Variants in SSX2IP observed in about 807,000 individuals in gnomAD.
The protein encoded by SSX2IP is SSX family member 2 interacting protein.
In SSX2IP, 55 loss-of-function variants were observed where a neutral mutation model predicts 84.9. The observed-to-expected ratio is 0.65, with a 90% CI of 0.52 to 0.81. SSX2IP has a LOEUF of 0.81. Ranked by LOEUF, SSX2IP falls within the 30% of genes least tolerant of loss-of-function variation. The pLI, the probability that SSX2IP is intolerant of heterozygous loss-of-function variation, is 0.00. For synonymous variants in SSX2IP, 239 were observed against 234.7 expected (o/e 1.02, Z -0.17); for missense variants, 664 against 705.2 (o/e 0.94, Z 0.66).
At chr1:84,650,229 G>T in intron 13 of SSX2IP, 133 bp downstream of exon 13, 3 of 845,740 alleles carry the variant, frequency 3.5e-6, no homozygotes, top group South Asian at 3.1e-5. Flanking sequence ...TTTGTAGAAT[G>T]AATAAATCAT....
In SSX2IP at chr1:84,647,369, C is replaced by T. The variant is rs1008519689; in HGVS notation, c.*64G>A. The T allele has an allele frequency of 2.6e-5, 36 of 1,405,314 alleles. No individual in the cohort carries two copies. The highest frequency in any genetic ancestry group is 3.4e-5 in the Non-Finnish European group (36 of 1,047,394). The allele number at this position is 1,405,314 out of a possible 1,614,324, so 87.1% of individuals were successfully genotyped here. A position where few individuals can be genotyped will look rare whatever the true frequency, so the allele number is the denominator to read the frequency against. ...AGAGATAACTGACTTTATGACACAC[C>T]CTGTTTCAACTTAGATGTGAAACTT... On this transcript the variant is annotated 3_prime_UTR_variant, in exon 14 of 14. Coordinates refer to ENST00000342203, the MANE Select transcript of SSX2IP (RefSeq NM_001166293.2).
intron 13 of SSX2IP, among the ~76,000 whole-genome samples, chr1:84,648,177 C>T (rs1163035266): frequency 5.9e-5 from 9 of 151,846 alleles, no homozygotes; most frequent in South Asian, 2.1e-4. Flanking sequence ...TAATATAAAC[C>T]GAGATCCAAA....
At chr1:84,683,431 T>C (rs972074655) in intron 1 of SSX2IP, among the ~76,000 whole-genome samples, 2 of 152,128 alleles carry the variant, frequency 1.3e-5, no homozygotes, top group South Asian at 2.1e-4. Context: ...TTCAAAAAAA[T>C]TTTGAAAAAC....
chr1:84,664,558 A>AAC lies in SSX2IP; in HGVS notation c.538-7_538-6insGT. 6.4e-7 allele frequency: 1 copy of AAC among 1,569,618 alleles called. No individual in the cohort carries two copies. Among genetic ancestry groups the AAC allele is most frequent in the Non-Finnish European group, 8.6e-7 (1 of 1,164,484 alleles). On this transcript the variant is annotated splice_polypyrimidine_tract_variant and splice_region_variant and intron_variant, in intron 5 of 13. Transcript: ENST00000342203. ...ATATTTTGTAATTTTTGCACCTGAA[A>AAC]AAGGCATTTGCTATTATAAGCCCAG...
chr1:84,661,698 G>A (rs1652006372), intron 8 of SSX2IP, among the ~76,000 whole-genome samples: 1 of 152,178 alleles, frequency 6.6e-6, no homozygotes, highest in African/African-American at 2.4e-5. Flanking sequence ...GTTTCACTCT[G>A]TGAAAAGTAG....
At position 84,645,258 on chromosome 1, in the gene SSX2IP, C is replaced by T. The variant is rs748412841; in HGVS notation, c.*2175G>A. The T allele has an allele frequency of 1.3e-5, 2 of 152,110 alleles. No homozygotes were observed. Among genetic ancestry groups the T allele is most frequent in the Non-Finnish European group, 2.9e-5 (2 of 68,016 alleles). The allele number at this position is 152,110 out of a possible 1,614,324, so 9.4% of individuals were successfully genotyped here. On this transcript the variant is annotated 3_prime_UTR_variant, in exon 14 of 14. Coordinates refer to ENST00000342203, the MANE Select transcript of SSX2IP (RefSeq NM_001166293.2). Reference sequence around the variant, plus strand: ...TTTGTGTGTGGAGTCCTGGGTTTTCCAACAGACATCATTCCAGCATTCTGA... The same window carrying T: ...TTTGTGTGTGGAGTCCTGGGTTTTCTAACAGACATCATTCCAGCATTCTGA...
At chr1:84,659,923 C>A (rs1277705528) in intron 8 of SSX2IP, among the ~76,000 whole-genome samples, 2 of 151,988 alleles carry the variant, frequency 1.3e-5, no homozygotes, top group African/African-American at 2.4e-5. Flanking sequence ...GTAATCCCAA[C>A]ACTTTGTGAG....
At chr1:84,662,627 T>C in intron 6 of SSX2IP, 97 bp from the exon 7 acceptor site, 1 of 1,284,272 alleles carries the variant, frequency 7.8e-7, no homozygotes, top group South Asian at 1.4e-5. Context: ...AAAGTGAACC[T>C]GGTATATAGG....
At chr1:84,651,706 C>T (rs533248187) in intron 12 of SSX2IP, among the ~76,000 whole-genome samples, 177 bp downstream of exon 12, 72 of 151,634 alleles carry the variant, frequency 4.7e-4, no homozygotes, top group Middle Eastern at 3.4e-3. Context: ...CCAACCTGGG[C>T]GACAGAGCAA....
intron 1 of SSX2IP, among the ~76,000 whole-genome samples, chr1:84,679,671 A>G (rs1654814946): frequency 6.6e-6 from 1 of 152,208 alleles, no homozygotes; most frequent in South Asian, 2.1e-4. Flanking sequence ...CTACTTCTTA[A>G]GGTTGTGGAT....
chr1:84,676,107 G>T (rs1295453797), intron 1 of SSX2IP, among the ~76,000 whole-genome samples: 1 of 152,156 alleles, frequency 6.6e-6, no homozygotes, highest in Non-Finnish European at 1.5e-5. Flanking sequence ...CAAATTCCAA[G>T]ATGGATCAAA....
chr1:84,683,150 C>CTT (rs58800832), intron 1 of SSX2IP, among the ~76,000 whole-genome samples: 2 of 142,924 alleles, frequency 1.4e-5, no homozygotes, highest in Admixed American at 7.0e-5. Context: ...ATTCAAGCTG[C>CTT]TTTTTTTTTT....
chr1:84,648,314 A>G (rs1476622626), intron 13 of SSX2IP, among the ~76,000 whole-genome samples: 1 of 152,218 alleles, frequency 6.6e-6, no homozygotes, highest in Non-Finnish European at 1.5e-5. Context: ...GAGGCTAGTT[A>G]ACAATGAATA....
At chr1:84,678,297 C>A (rs1405388886) in intron 1 of SSX2IP, among the ~76,000 whole-genome samples, 1 of 152,166 alleles carries the variant, frequency 6.6e-6, no homozygotes, top group Non-Finnish European at 1.5e-5. Context: ...TAAATGTTTA[C>A]AATATGAACC....
In SSX2IP at chr1:84,664,464, T is replaced by C; in HGVS notation, c.626A>G (p.Lys209Arg). The C allele has an allele frequency of 6.2e-6, 10 of 1,603,644 alleles. No individual in the cohort carries two copies. The highest frequency in any genetic ancestry group is 8.5e-6 in the Non-Finnish European group (10 of 1,176,430). Reference protein sequence around the residue: ...KRKEREYNKLKERLHQLVMNK... With the variant: ...KRKEREYNKLRERLHQLVMNK... ...CATAACAAGTTGATGTAGACGTTCCTTCAGTTTATTATATTCACGCTCTTT... is the reference window on the plus strand; with the variant it reads ...CATAACAAGTTGATGTAGACGTTCCCTCAGTTTATTATATTCACGCTCTTT... Residue 209 changes from lysine (K) to arginine (R), a missense_variant, in exon 6 of 14, where the codon AAG becomes AGG. Physicochemically the swap from Lys to Arg is conservative, Grantham distance 26. Transcript: ENST00000342203.
rs7531295 is a variant in SSX2IP at position 84,684,607 on chromosome 1, C to G, written c.-90+5764G>C. Among the ~76,000 whole-genome samples, 578 of 152,256 alleles carry G rather than the reference C, an allele frequency of 3.8e-3. 2 individuals are homozygous for G. The highest frequency in any genetic ancestry group is 0.013 in the African/African-American group (547 of 41,556). ...TACTCTACAGCCCAGCAAGTCCACT[C>G]CTAGTGAAACCCAATCGAAACTCTT... On this transcript the variant is annotated intron_variant, in intron 1 of 13. Coordinates refer to ENST00000342203, the MANE Select transcript of SSX2IP (RefSeq NM_001166293.2).
intron 1 of SSX2IP, among the ~76,000 whole-genome samples, chr1:84,689,063 T>A (rs535456805): frequency 2.0e-5 from 3 of 152,248 alleles, no homozygotes; most frequent in Non-Finnish European, 4.4e-5. Flanking sequence ...TGTGAATGAA[T>A]AACCTAAGCT....
At chr1:84,688,706 T>C (rs1171369456) in intron 1 of SSX2IP, among the ~76,000 whole-genome samples, 1 of 152,232 alleles carries the variant, frequency 6.6e-6, no homozygotes, top group Non-Finnish European at 1.5e-5. Context: ...TCATTATGTT[T>C]AGAACATAAT....
intron 8 of SSX2IP, among the ~76,000 whole-genome samples, chr1:84,660,891 AAT>A (rs1651857146): frequency 9.1e-6 from 1 of 109,936 alleles, no homozygotes; most frequent in Non-Finnish European, 1.9e-5. Flanking sequence ...TCTCTACTAA[AAT>A]ACAAAAAAAA....
Sources: allele counts gnomAD v4.1 joint callset (sites outside exome capture counted in the v4.1 genomes callset), GRCh38; gene constraint gnomAD v4.1.1; transcripts MANE v1.5; gene names NCBI Gene and HGNC (gene_info 2026-07-23, HGNC 2026-07-21).